CPS1: variants seen among roughly 807,000 people sequenced by gnomAD.
The protein encoded by CPS1 is carbamoyl-phosphate synthase [ammonia], mitochondrial.
CPS1 carries 109 observed loss-of-function variants against 174.6 expected under a neutral mutation model. The ratio of observed to expected loss-of-function variants is 0.62; its 90% CI spans 0.53 to 0.73. The LOEUF (loss-of-function observed/expected upper bound fraction) is 0.73. CPS1 is among the 30% of genes least tolerant of loss of function. The pLI, the probability that CPS1 is intolerant of heterozygous loss-of-function variation, is 0.00. For synonymous variants in CPS1, 637 were observed against 632.0 expected (o/e 1.01, Z -0.12); for missense variants, 1,689 against 1,821.9 (o/e 0.93, Z 1.33).
In CPS1 at chr2:210,582,698, G is replaced by T; in HGVS notation, c.610G>T (p.Val204Phe). ...DPNKQNLIAE[V>F]STKDVKVYGK... ...AAATAAACAGAATTTGATTGCTGAG[G>T]TTTCAACCAAGGTGAGGGGTTTTCC... Residue 204 changes from valine to phenylalanine, a missense_variant, in exon 6 of 38, where the codon GTT (valine) becomes TTT (phenylalanine). Transcript: ENST00000233072. 1.9e-6 allele frequency: 3 copies of T among 1,611,880 alleles called. No individual in the cohort carries two copies. The highest frequency in any genetic ancestry group is 2.5e-6 in the Non-Finnish European group (3 of 1,178,224).
chr2:210,516,757 C>G (rs1297693303), intron 1 of CPS1, among the ~76,000 whole-genome samples: 3 of 151,954 alleles, frequency 2.0e-5, no homozygotes, highest in Non-Finnish European at 2.9e-5. Context: ...ATGCTGTTCT[C>G]TCTATCATCC....
At chr2:210,652,082 G>T (rs1041593478) in intron 28 of CPS1, among the ~76,000 whole-genome samples, 1 of 152,182 alleles carries the variant, frequency 6.6e-6, no homozygotes, top group African/African-American at 2.4e-5. Context: ...CCTGATGGTT[G>T]ATTCAGAATT....
chr2:210,509,244 A>G (rs1184044321), intron 1 of CPS1, among the ~76,000 whole-genome samples: 2 of 152,166 alleles, frequency 1.3e-5, no homozygotes, highest in Non-Finnish European at 1.5e-5. Flanking sequence ...ATCATTAAAC[A>G]TAATCCAGTA....
rs185315579 is a variant in CPS1, at chr2:210,662,592, C to T, written c.3928-531C>T. On this transcript the variant is annotated intron_variant, in intron 32 of 37. Coordinates refer to ENST00000233072, the MANE Select transcript of CPS1 (RefSeq NM_001875.5). ...CTCTAGTTCATATGAAAGTTCTGCA[C>T]AAAGGTGTTTCCAAGCAGAATGTTT... Among the ~76,000 whole-genome samples the T allele has an allele frequency of 1.2e-3, 190 of 152,264 alleles. 4 individuals are homozygous for T. The highest frequency in any genetic ancestry group is 0.011 in the Admixed American group (171 of 15,298).
At position 210,616,091 on chromosome 2, in the gene CPS1, T is replaced by A. The variant is rs566056713; in HGVS notation, c.2569-332T>A. ...GCTTAACTGTAGTTTCAAGAGACTT[T>A]CTTTAATTCCAAAGAGATGTACCAA... On this transcript the variant is annotated intron_variant, in intron 20 of 37. Coordinates refer to ENST00000233072, the MANE Select transcript of CPS1 (RefSeq NM_001875.5). Among the ~76,000 whole-genome samples the A allele has an allele frequency of 1.2e-4, 18 of 152,156 alleles. No homozygotes were observed. The South Asian group carries it at 3.7e-3, about 31-fold the overall frequency.
rs79847672 is a variant in CPS1 at position 210,616,713 on chromosome 2, A to T, written c.2687+172A>T. 7.8e-3 allele frequency among the ~76,000 whole-genome samples: 1,173 copies of T among 149,448 alleles called. 12 individuals carry two copies. Among genetic ancestry groups the T allele is most frequent in the African/African-American group, 0.026 (1,038 of 40,670 alleles). On this transcript the variant is annotated intron_variant, in intron 21 of 37. Coordinates refer to ENST00000233072, the MANE Select transcript of CPS1 (RefSeq NM_001875.5). ...ACAAATGGCAGGTTTTTTTTTTTTT[A>T]GATGTTTACCTTTAGAAATGTATCC...
rs1252599489 is a variant in CPS1 at position 210,678,745 on chromosome 2, G to GT, written c.*764dup. On this transcript the variant is annotated 3_prime_UTR_variant, in exon 38 of 38. Transcript: ENST00000233072. Reference sequence around the variant, plus strand: ...TTTCTTTAAGGAATACTGGTTTGCAGTTTTGTTTTCTGGACTATATCAGCA... The same window carrying GT: ...TTTCTTTAAGGAATACTGGTTTGCAGTTTTTGTTTTCTGGACTATATCAGCA... The GT allele has an allele frequency of 6.6e-6, 1 of 152,298 alleles. No individual in the cohort carries two copies. Among genetic ancestry groups the GT allele is most frequent in the Non-Finnish European group, 1.5e-5 (1 of 68,144 alleles). The allele number at this position is 152,298 out of a possible 1,614,324, so 9.4% of individuals were successfully genotyped here. A position where few individuals can be genotyped will look rare whatever the true frequency, so the allele number is the denominator to read the frequency against.
intron 19 of CPS1, among the ~76,000 whole-genome samples, chr2:210,611,804 C>T (rs1699130465): frequency 6.6e-6 from 1 of 151,744 alleles, no homozygotes; most frequent in Non-Finnish European, 1.5e-5. Flanking sequence ...TATGCTTCAA[C>T]CTTGAATTTC....
chr2:210,632,085 A>G (rs1699888006), intron 21 of CPS1, among the ~76,000 whole-genome samples: 1 of 152,190 alleles, frequency 6.6e-6, no homozygotes, highest in African/African-American at 2.4e-5. Context: ...TTTAGTAATT[A>G]TTCTGTTTTG....
In CPS1 at chr2:210,663,144, C is replaced by T. The variant is rs1458915316; in HGVS notation, c.3949C>T (p.Arg1317Trp). Reference protein sequence around the residue: ...AIKAPMFSWPRLRDADPILRC... With the variant: ...AIKAPMFSWPWLRDADPILRC... Reference sequence around the variant, plus strand: ...ACAGGCTCCCATGTTTTCCTGGCCCCGGTTGAGGGATGCTGACCCCATTCT... The same window carrying T: ...ACAGGCTCCCATGTTTTCCTGGCCCTGGTTGAGGGATGCTGACCCCATTCT... Residue 1317 changes from arginine to tryptophan, a missense_variant, in exon 33 of 38, where the codon CGG (arginine) becomes TGG (tryptophan). Coordinates refer to ENST00000233072, the MANE Select transcript of CPS1 (RefSeq NM_001875.5). 3.1e-6 allele frequency: 5 copies of T among 1,613,630 alleles called. No homozygotes were observed. The highest frequency in any genetic ancestry group is 2.2e-5 in the East Asian group (1 of 44,858).
At chr2:210,479,447 G>C (rs4673533) in intron 1 of CPS1, among the ~76,000 whole-genome samples, 63,939 of 151,146 alleles carry the variant, frequency 0.42, 15,107 homozygotes, top group East Asian at 0.61. Context: ...TCCTGCCTCA[G>C]CCTCCAGAGT....
At chr2:210,624,778 G>C (rs999875608) in intron 21 of CPS1, among the ~76,000 whole-genome samples, 1 of 151,954 alleles carries the variant, frequency 6.6e-6, no homozygotes, top group Non-Finnish European at 1.5e-5. Context: ...TTCCGAGTCT[G>C]GCATGGACAA....
intron 1 of CPS1, among the ~76,000 whole-genome samples, chr2:210,538,315 A>G (rs181526507): frequency 6.6e-6 from 1 of 152,238 alleles, no homozygotes; most frequent in Admixed American, 6.5e-5. Context: ...AGATACATAC[A>G]TAATTATAGT....
chr2:210,623,579 C>A (rs1335528657), intron 21 of CPS1, among the ~76,000 whole-genome samples: 1 of 152,050 alleles, frequency 6.6e-6, no homozygotes. Context: ...TAAACTATGT[C>A]CATTGGTGAG....
At chr2:210,587,322 G>C (rs1200186001) in intron 6 of CPS1, among the ~76,000 whole-genome samples, 1 of 151,958 alleles carries the variant, frequency 6.6e-6, no homozygotes, top group Non-Finnish European at 1.5e-5. Flanking sequence ...AGCAGGAACC[G>C]GTGTGTGTGC....
At chr2:210,566,587 G>A (rs1200055152) in intron 1 of CPS1, among the ~76,000 whole-genome samples, 1 of 152,028 alleles carries the variant, frequency 6.6e-6, no homozygotes, top group Non-Finnish European at 1.5e-5. Context: ...CCTCACTTAC[G>A]AAATTGGAAA....
chr2:210,519,097 A>G (rs1195873686), intron 1 of CPS1, among the ~76,000 whole-genome samples: 1 of 152,054 alleles, frequency 6.6e-6, no homozygotes, highest in African/African-American at 2.4e-5. Flanking sequence ...GTAGAAAATT[A>G]GATGTGTTTA....
rs2105918017 is a variant in CPS1, at chr2:210,656,640, T to C, written c.3666+8T>C. The C allele has an allele frequency of 6.2e-7, 1 of 1,604,552 alleles. No homozygotes were observed. Among genetic ancestry groups the C allele is most frequent in the South Asian group, 1.1e-5 (1 of 90,848 alleles). ...CAAGGGGCCATTGAAAAGGTCATCATTTATAAATAAAAGTGGAAGGGAAAA... is the reference window on the plus strand; with the variant it reads ...CAAGGGGCCATTGAAAAGGTCATCACTTATAAATAAAAGTGGAAGGGAAAA... On this transcript the variant is annotated splice_region_variant and intron_variant, in intron 30 of 37. Transcript: ENST00000233072.
chr2:210,570,732 C>T (rs201647895), intron 1 of CPS1, among the ~76,000 whole-genome samples: 10 of 145,814 alleles, frequency 6.9e-5, no homozygotes, highest in East Asian at 1.9e-4. Flanking sequence ...GGTTTACACA[C>T]GATTTCCTCA....
Sources: gnomAD v4.1 joint callset for allele counts (sites outside exome capture counted in the v4.1 genomes callset) on GRCh38, gnomAD v4.1.1 for gene constraint, MANE v1.5 for transcripts, NCBI Gene and HGNC (gene_info 2026-07-23, HGNC 2026-07-21) for gene names.